Variants in RGSL1 observed in about 807,000 individuals in gnomAD.
The protein encoded by RGSL1 is regulator of G protein signaling like 1.
Under a neutral mutation model 124.7 loss-of-function variants are expected in RGSL1, and 97 were observed. The observed-to-expected ratio is 0.78, with a 90% CI of 0.66 to 0.92. RGSL1 has a LOEUF of 0.92. Ranked by LOEUF, RGSL1 falls within the 40% of genes least tolerant of loss-of-function variation. The pLI, the probability that RGSL1 is intolerant of heterozygous loss-of-function variation, is 0.00. For missense variants in RGSL1, 1,233 were observed against 1,288.4 expected (o/e 0.96, Z 0.66); for synonymous variants, 424 against 438.1 (o/e 0.97, Z 0.40).
In RGSL1 at chr1:182,497,514, A is replaced by T. The variant is rs114560541; in HGVS notation, c.1825+4385A>T. 6.5e-3 allele frequency among the ~76,000 whole-genome samples: 984 copies of T among 152,158 alleles called. 3 individuals carry two copies. The highest frequency in any genetic ancestry group is 0.011 in the Non-Finnish European group (723 of 67,998). On this transcript the variant is annotated intron_variant, in intron 9 of 21. Coordinates refer to ENST00000294854, the MANE Select transcript of RGSL1 (RefSeq NM_001137669.2). ...AAAATCCTTTATTGAACCACTTGACAGTAGCTGTCAACCTAATGCCCCACC... is the reference window on the plus strand; with the variant it reads ...AAAATCCTTTATTGAACCACTTGACTGTAGCTGTCAACCTAATGCCCCACC...
chr1:182,488,920 T>G, intron 7 of RGSL1, 60 bp from the exon 8 acceptor site: 3 of 1,366,648 alleles, frequency 2.2e-6, no homozygotes, highest in Non-Finnish European at 2.0e-6. Flanking sequence ...ATTACAAAAT[T>G]ATTGCTTCTG....
intron 11 of RGSL1, among the ~76,000 whole-genome samples, chr1:182,528,533 T>C (rs1658926670): frequency 6.6e-6 from 1 of 152,224 alleles, no homozygotes; most frequent in Non-Finnish European, 1.5e-5. Flanking sequence ...GATACAGGCA[T>C]TGGGTTAATA....
chr1:182,557,773 T>G (rs1332449864), intron 21 of RGSL1, among the ~76,000 whole-genome samples: 5 of 152,214 alleles, frequency 3.3e-5, no homozygotes, highest in African/African-American at 1.2e-4. Flanking sequence ...AAAAAAAATC[T>G]TCTCTTTTGT....
At chr1:182,471,844 C>G (rs989477576) in intron 4 of RGSL1, among the ~76,000 whole-genome samples, 10 of 152,174 alleles carry the variant, frequency 6.6e-5, no homozygotes, top group African/African-American at 2.4e-4. Flanking sequence ...TCCAGCTCAA[C>G]AACATTAAGT....
At chr1:182,531,658 G>A (rs1418019183) in intron 13 of RGSL1, among the ~76,000 whole-genome samples, 1 of 152,038 alleles carries the variant, frequency 6.6e-6, no homozygotes, top group Non-Finnish European at 1.5e-5. Flanking sequence ...CTCCATATAT[G>A]AATAAACTCC....
intron 1 of RGSL1, among the ~76,000 whole-genome samples, chr1:182,450,804 A>G (rs1390122259): frequency 6.6e-6 from 1 of 152,210 alleles, no homozygotes; most frequent in African/African-American, 2.4e-5. Context: ...CTCATTCAAC[A>G]AATCCATGTT....
intron 9 of RGSL1, among the ~76,000 whole-genome samples, chr1:182,512,508 G>A (rs1324065481): frequency 6.6e-6 from 1 of 152,176 alleles, no homozygotes; most frequent in Non-Finnish European, 1.5e-5. Context: ...CACGCAGACA[G>A]GCAGGTTCAG....
At chr1:182,522,903 A>G (rs538313662) in intron 10 of RGSL1, among the ~76,000 whole-genome samples, 3 of 152,198 alleles carry the variant, frequency 2.0e-5, no homozygotes, top group African/African-American at 7.2e-5. Flanking sequence ...TTATCTATCT[A>G]TAATGGCTAG....
intron 19 of RGSL1, 72 bp from the exon 20 acceptor site, chr1:182,554,555 G>A (rs1660751019): frequency 1.5e-5 from 20 of 1,349,492 alleles, no homozygotes; most frequent in Non-Finnish European, 2.0e-5. Context: ...TGGTCCTCCA[G>A]GGTGGAGGCC....
rs994555156 is a variant in RGSL1 at position 182,474,410 on chromosome 1, C to A, written c.1299C>A (p.Cys433Ter). ...IFRHLLGDRI[C>*]ELYLNEQIGP... ...GTCACTTGCTGGGTGACAGAATCTG[C>A]GAGCTCTACCTGAATGAGCAGATTG... Residue 433 changes from cysteine to a stop codon, truncating the protein, a stop_gained, in exon 6 of 22, where the codon TGC becomes TGA. Coordinates refer to ENST00000294854, the MANE Select transcript of RGSL1 (RefSeq NM_001137669.2). LOFTEE classifies it high-confidence loss of function. The A allele has an allele frequency of 9.0e-6, 14 of 1,551,914 alleles. No individual in the cohort carries two copies. The highest frequency in any genetic ancestry group is 5.5e-5 in the African/African-American group (4 of 73,044).
chr1:182,490,795 C>G (rs1210211712), intron 8 of RGSL1, among the ~76,000 whole-genome samples: 1 of 152,094 alleles, frequency 6.6e-6, no homozygotes, highest in Non-Finnish European at 1.5e-5. Flanking sequence ...TTTTGGAGCA[C>G]AAGTCTGGCC....
At chr1:182,449,371 C>A (rs184225527), upstream of RGSL1, 4 of 152,290 alleles carry the variant, frequency 2.6e-5, no homozygotes, top group East Asian at 3.9e-4. Flanking sequence ...CTCCACCCCC[C>A]ATAGGAAAGC....
intron 9 of RGSL1, among the ~76,000 whole-genome samples, chr1:182,519,402 T>A (rs1205442165): frequency 1.3e-5 from 2 of 152,210 alleles, no homozygotes; most frequent in African/African-American, 4.8e-5. Context: ...GAAAATGTTA[T>A]CCCATTGTCT....
chr1:182,473,944 C>G lies in RGSL1; in HGVS notation c.833C>G (p.Pro278Arg). ...MDLKPDAIGM[P>R]LQETCPQEKV... ...CTCAAGCCAGATGCTATTGGTATGCCCCTACAGGAGACATGTCCTCAAGAG... is the reference window on the plus strand; with the variant it reads ...CTCAAGCCAGATGCTATTGGTATGCGCCTACAGGAGACATGTCCTCAAGAG... The change falls in exon 6 of 22, where the codon CCC (proline) becomes CGC (arginine). Residue 278 changes from proline to arginine, a missense_variant. Pro to Arg is a moderately radical substitution (Grantham distance 103). Transcript: ENST00000294854. 6.4e-7 allele frequency: 1 copy of G among 1,551,992 alleles called. No homozygotes were observed. Among genetic ancestry groups the G allele is most frequent in the Non-Finnish European group, 8.7e-7 (1 of 1,147,052 alleles).
chr1:182,553,827 T>C lies in RGSL1; in HGVS notation c.3130+286T>C, dbSNP rs1006097350. On this transcript the variant is annotated intron_variant, in intron 19 of 21. Coordinates refer to ENST00000294854, the MANE Select transcript of RGSL1 (RefSeq NM_001137669.2). ...ACCTTAAGCTTCTCTATATCTCTGC[T>C]GACTCCTCTTCTCATTTCCAGGCAT... 2.0e-5 allele frequency among the ~76,000 whole-genome samples: 3 copies of C among 152,208 alleles called. No homozygotes were observed. In the East Asian group the frequency reaches 5.8e-4, roughly 29 times the overall value.
At chr1:182,501,143 T>C (rs1656323710) in intron 9 of RGSL1, among the ~76,000 whole-genome samples, 1 of 152,154 alleles carries the variant, frequency 6.6e-6, no homozygotes, top group African/African-American at 2.4e-5. Flanking sequence ...TTTATCATGT[T>C]GAGGATGTTC....
At chr1:182,513,642 T>C (rs139407561) in intron 9 of RGSL1, among the ~76,000 whole-genome samples, 7 of 152,316 alleles carry the variant, frequency 4.6e-5, no homozygotes, top group African/African-American at 1.7e-4. Context: ...CTTAAGCTTC[T>C]GCCTCTTTCT....
intron 9 of RGSL1, 99 bp from the exon 10 acceptor site, chr1:182,521,905 T>C: frequency 2.5e-6 from 2 of 812,934 alleles, no homozygotes; most frequent in South Asian, 1.8e-5. Context: ...GACAGGGATT[T>C]TTTCACATGA....
intron 18 of RGSL1, 142 bp downstream of exon 18, chr1:182,551,351 G>T: frequency 1.5e-6 from 1 of 659,370 alleles, no homozygotes; most frequent in Non-Finnish European, 2.6e-6. Context: ...GGCCCTCAGG[G>T]AGACAGAGCA....
Sources: gnomAD v4.1 joint callset for allele counts (sites outside exome capture counted in the v4.1 genomes callset) on GRCh38, gnomAD v4.1.1 for gene constraint, MANE v1.5 for transcripts, NCBI Gene and HGNC (gene_info 2026-07-23, HGNC 2026-07-21) for gene names.